ATP8B1: variants seen among roughly 807,000 people sequenced by gnomAD.
The protein encoded by ATP8B1 is phospholipid-transporting ATPase IC.
ATP8B1 carries 80 observed loss-of-function variants against 149.9 expected under a neutral mutation model. The ratio of observed to expected loss-of-function variants is 0.53; its 90% CI spans 0.45 to 0.64. The LOEUF is 0.64. ATP8B1 is among the 30% of genes least tolerant of loss of function. ATP8B1 has a pLI of 0.00. For synonymous variants in ATP8B1, 536 were observed against 562.8 expected (o/e 0.95, Z 0.67); for missense variants, 1,247 against 1,552.6 (o/e 0.80, Z 3.31).
At chr18:57,747,616 G>A (rs1470921606) in intron 1 of ATP8B1, among the ~76,000 whole-genome samples, 1 of 152,102 alleles carries the variant, frequency 6.6e-6, no homozygotes, top group African/African-American at 2.4e-5. Context: ...ATATTTATAT[G>A]TAAACATGTT....
At position 57,669,456 on chromosome 18, in the gene ATP8B1, G is replaced by A. The variant is rs367598993; in HGVS notation, c.1959C>T (p.Thr653=). The part of the protein sequence containing the change: ...LDIFANETLR[T]LCLCYKEIEE... ...CAATTTCCTTGTAGCAAAGGCATAG[G>A]GTTCTAAGAGTTTCATTTGCAAAGA... The change falls in exon 18 of 28, where the codon ACC becomes ACT. Residue 653 remains threonine, a synonymous_variant. Coordinates refer to ENST00000648908, the MANE Select transcript of ATP8B1 (RefSeq NM_001374385.1). 3.7e-6 allele frequency: 6 copies of A among 1,612,596 alleles called. No homozygotes were observed. In the South Asian group the frequency reaches 5.5e-5, roughly 15 times the overall value.
At chr18:57,788,346 G>A (rs2080429435) in intron 1 of ATP8B1, among the ~76,000 whole-genome samples, 1 of 152,156 alleles carries the variant, frequency 6.6e-6, no homozygotes, top group African/African-American at 2.4e-5. Context: ...ATGAGGCCAG[G>A]AGTTTGAGAT....
At chr18:57,660,896 A>G (rs1910346643) in intron 22 of ATP8B1, among the ~76,000 whole-genome samples, 1 of 152,186 alleles carries the variant, frequency 6.6e-6, no homozygotes, top group African/African-American at 2.4e-5. Context: ...TCTATATAAA[A>G]GAATAAAAAT....
At chr18:57,744,748 T>G (rs904537482) in intron 1 of ATP8B1, among the ~76,000 whole-genome samples, 1 of 152,204 alleles carries the variant, frequency 6.6e-6, no homozygotes, top group African/African-American at 2.4e-5. Context: ...GTAAAATAAG[T>G]CTGTCAAGCT....
At chr18:57,776,178 T>G (rs534050040) in intron 1 of ATP8B1, among the ~76,000 whole-genome samples, 1 of 152,286 alleles carries the variant, frequency 6.6e-6, no homozygotes, top group Admixed American at 6.5e-5. Flanking sequence ...GTAAGCATAC[T>G]TGATGATTCA....
At chr18:57,704,489 G>A (rs1913287013) in intron 4 of ATP8B1, 66 bp downstream of exon 4, 12 of 1,082,968 alleles carry the variant, frequency 1.1e-5, no homozygotes, top group Admixed American at 3.7e-5. Flanking sequence ...CATTATATGT[G>A]TCTACAGCTT....
At chr18:57,740,820 C>T (rs2079907018) in intron 1 of ATP8B1, 1 of 152,170 alleles carries the variant, frequency 6.6e-6, no homozygotes, top group Non-Finnish European at 1.5e-5. Flanking sequence ...AAGCAATCCT[C>T]CCTCCTTGGC....
At chr18:57,654,129 A>C in intron 23 of ATP8B1, 54 bp from the exon 24 acceptor site, 4 of 1,419,026 alleles carry the variant, frequency 2.8e-6, no homozygotes, top group Non-Finnish European at 4.0e-6. Flanking sequence ...ATGCCAGCCT[A>C]GTTAGCACAT....
At chr18:57,698,123 T>A (rs1349755432) in intron 6 of ATP8B1, among the ~76,000 whole-genome samples, 1 of 152,154 alleles carries the variant, frequency 6.6e-6, no homozygotes, top group Non-Finnish European at 1.5e-5. Context: ...GGGGGCCACT[T>A]ATGTGCGTGG....
At chr18:57,691,440 A>T (rs1912522548) in intron 12 of ATP8B1, among the ~76,000 whole-genome samples, 1 of 152,166 alleles carries the variant, frequency 6.6e-6, no homozygotes, top group South Asian at 2.1e-4. Context: ...TCCAAAAGGG[A>T]AAACTAAGTT....
rs1052827509 is a variant in ATP8B1 at position 57,802,208 on chromosome 18, C to G, written c.-26+790G>C. On this transcript the variant is annotated intron_variant, in intron 1 of 27. Transcript: ENST00000648908. This position sits in a 1 kb window ranked among gnomAD's most constrained non-coding sequence, Gnocchi z 4.9. The stretch of plus-strand genomic sequence containing the variant: ...GGCGAGGGGTGTTAAAGCACTGGGC[C>G]ATTCTCTGCAACATCTCCCCGCGCC... Among the ~76,000 whole-genome samples the G allele has an allele frequency of 1.8e-4, 28 of 152,120 alleles. No individual in the cohort carries two copies. Among genetic ancestry groups the G allele is most frequent in the African/African-American group, 6.3e-4 (26 of 41,416 alleles).
intron 15 of ATP8B1, among the ~76,000 whole-genome samples, chr18:57,681,223 A>T (rs1177352500): frequency 6.6e-6 from 1 of 151,966 alleles, no homozygotes; most frequent in Admixed American, 6.6e-5. Flanking sequence ...GCAGGGAATG[A>T]GGACAGTCTC....
chr18:57,649,660 C>T (rs921397409), intron 27 of ATP8B1, among the ~76,000 whole-genome samples: 1 of 152,128 alleles, frequency 6.6e-6, no homozygotes, highest in Non-Finnish European at 1.5e-5. Flanking sequence ...CCTTGCTAAA[C>T]TAGTCCAGAA....
intron 1 of ATP8B1, 63 bp from the exon 2 acceptor site, chr18:57,731,895 C>A (rs1161601648): frequency 1.4e-6 from 2 of 1,407,714 alleles, no homozygotes; most frequent in Non-Finnish European, 2.0e-6. Context: ...TTGAATACTG[C>A]CTGCATGCTG....
At chr18:57,770,337 A>G (rs572693574) in intron 1 of ATP8B1, among the ~76,000 whole-genome samples, 6 of 152,214 alleles carry the variant, frequency 3.9e-5, no homozygotes, top group African/African-American at 1.4e-4. Flanking sequence ...GCAGTCCAAT[A>G]TTTCACATTT....
intron 1 of ATP8B1, among the ~76,000 whole-genome samples, chr18:57,757,689 G>T (rs2080098369): frequency 6.6e-6 from 1 of 152,092 alleles, no homozygotes; most frequent in Admixed American, 6.5e-5. Context: ...TGAGAACCCT[G>T]GCTCTCCAAA....
chr18:57,745,438 A>G (rs977148205), intron 1 of ATP8B1, among the ~76,000 whole-genome samples: 2 of 151,982 alleles, frequency 1.3e-5, no homozygotes, highest in African/African-American at 2.4e-5. Flanking sequence ...TGCTCGAGTA[A>G]TTTTTGTATT....
chr18:57,669,407 T>A lies in ATP8B1; in HGVS notation c.2008A>T (p.Asn670Tyr). The change falls in exon 18 of 28, where the codon AAT (asparagine) becomes TAT (tyrosine). Residue 670 changes from asparagine (N) to tyrosine (Y), a missense_variant. Asn to Tyr is a moderately radical substitution (Grantham distance 143). This residue lies in a region of ATP8B1 where 853 missense variants were observed against 1,035.7 expected (regional missense o/e 0.82). Coordinates refer to ENST00000648908, the MANE Select transcript of ATP8B1 (RefSeq NM_001374385.1). ...EIEEKEFTEW[N>Y]KKFMAASVAS... ...ACACTGGCAGCCATAAACTTTTTAT[T>A]CCATTCTGTAAATTCTTTTTCTTCA... The A allele has an allele frequency of 6.2e-7, 1 of 1,613,890 alleles. No individual in the cohort carries two copies. The highest frequency in any genetic ancestry group is 1.7e-5 in the Admixed American group (1 of 60,014).
At chr18:57,668,247 G>A in intron 19 of ATP8B1, 182 bp downstream of exon 19, 1 of 1,415,374 alleles carries the variant, frequency 7.1e-7, no homozygotes, top group Non-Finnish European at 9.5e-7. Context: ...AGGGGGATCA[G>A]GAAAGGATGC....
Sources: allele counts gnomAD v4.1 joint callset (sites outside exome capture counted in the v4.1 genomes callset), GRCh38; gene constraint gnomAD v4.1.1; regional missense constraint gnomAD v4.1.1; non-coding constraint Gnocchi (gnomAD v3.1); transcripts MANE v1.5; gene names NCBI Gene and HGNC (gene_info 2026-07-23, HGNC 2026-07-21).